The following MRPS9 variants were observed in gnomAD, a reference collection of about 807,000 sequenced individuals.
MRPS9 encodes the protein mitochondrial ribosomal protein S9.
In MRPS9, 45 loss-of-function variants were observed where a neutral mutation model predicts 59.9. That is an observed-to-expected ratio of 0.75 (90% CI 0.59 to 0.96). The LOEUF is 0.96. Among genes scored for constraint, MRPS9 ranks in the 40% least tolerant of loss-of-function variants. The pLI is 0.00. For synonymous variants in MRPS9, 171 were observed against 166.8 expected, an observed-to-expected ratio of 1.03 and a Z score of -0.19; for missense variants, 473 against 481.1, an observed-to-expected ratio of 0.98 and a Z score of 0.16.
intron 1 of MRPS9, among the ~76,000 whole-genome samples, chr2:105,043,699 A>G (rs937545521): frequency 1.5e-4 from 22 of 151,682 alleles, no homozygotes. Context: ...CAGTGGTGCA[A>G]TCTCGGCTCA....
intron 1 of MRPS9, among the ~76,000 whole-genome samples, chr2:105,044,609 A>G (rs1679562124): frequency 6.6e-6 from 1 of 152,204 alleles, no homozygotes; most frequent in Non-Finnish European, 1.5e-5. Flanking sequence ...AACAATGAAA[A>G]TGTTTATAAA....
intron 5 of MRPS9, among the ~76,000 whole-genome samples, chr2:105,083,479 A>G (rs532785961): frequency 1.5e-4 from 23 of 152,358 alleles, no homozygotes; most frequent in African/African-American, 5.5e-4. Context: ...TTTAATTTTA[A>G]GAAAAAAACA....
At chr2:105,061,360 T>A (rs998635965) in intron 2 of MRPS9, among the ~76,000 whole-genome samples, 2 of 152,078 alleles carry the variant, frequency 1.3e-5, no homozygotes, top group Non-Finnish European at 2.9e-5. Context: ...GAAGGCAATC[T>A]GAGAGGAAGA....
intron 2 of MRPS9, among the ~76,000 whole-genome samples, chr2:105,066,496 C>CT (rs1399603067): frequency 6.6e-6 from 1 of 152,182 alleles, no homozygotes; most frequent in African/African-American, 2.4e-5. Context: ...TTCCTCATGA[C>CT]TTTTCTGTCT....
chr2:105,077,416 AG>A (rs1680235123), intron 4 of MRPS9, among the ~76,000 whole-genome samples: 1 of 152,340 alleles, frequency 6.6e-6, no homozygotes, highest in Admixed American at 6.5e-5. Flanking sequence ...AATAATATAC[AG>A]GCCGTAAAAA....
rs10547330 is a variant in MRPS9 at position 105,060,017 on chromosome 2, T to TAAAAAA, written c.315+10684_315+10689dup. Among the ~76,000 whole-genome samples, 368 of 100,576 alleles carry TAAAAAA rather than the reference T, an allele frequency of 3.7e-3. 2 individuals are homozygous for TAAAAAA. The highest frequency in any genetic ancestry group is 0.012 in the African/African-American group (332 of 27,230). The allele number at this position is 100,576 out of a possible 152,430, so 66.0% of individuals were successfully genotyped here. A position where few individuals can be genotyped will look rare whatever the true frequency, so the allele number is the denominator to read the frequency against. On this transcript the variant is annotated intron_variant, in intron 2 of 10. Transcript: ENST00000258455. ...CTGAATCACATAACAGGAAAACTGC[T>TAAAAAA]AAAAAAAAAAAAAAAAAAAAAAGAC...
At chr2:105,089,286 A>C in intron 6 of MRPS9, among the ~76,000 whole-genome samples, 1 of 152,348 alleles carries the variant, frequency 6.6e-6, no homozygotes, top group South Asian at 2.1e-4. Flanking sequence ...TATATGTGAT[A>C]GAATATTTAA....
At chr2:105,071,531 C>A in intron 4 of MRPS9, 42 bp downstream of exon 4, 2 of 1,573,868 alleles carry the variant, frequency 1.3e-6, no homozygotes, top group South Asian at 1.1e-5. Context: ...TTTTCTTTAC[C>A]GTATTCCGGT....
At chr2:105,062,396 G>A (rs533187363) in intron 2 of MRPS9, among the ~76,000 whole-genome samples, 11 of 152,150 alleles carry the variant, frequency 7.2e-5, no homozygotes, top group South Asian at 2.1e-4. Flanking sequence ...TGAGTTACCC[G>A]TCCAAGCCCT....
At chr2:105,094,469 T>C (rs888852410) in intron 9 of MRPS9, among the ~76,000 whole-genome samples, 1 of 152,192 alleles carries the variant, frequency 6.6e-6, no homozygotes, top group African/African-American at 2.4e-5. Context: ...CCTTTCCTAA[T>C]CCTTCTCCTG....
chr2:105,093,609 C>T lies in MRPS9; in HGVS notation c.900C>T (p.Tyr300=), dbSNP rs1408539741. ...SGRIKVNGID[Y]QLYFPITQDR... ...GAATAAAAGTAAATGGAATTGATTA[C>T]CAGCTTTACTTCCCGATCACACAGG... Residue 300 remains tyrosine, a synonymous_variant, in exon 9 of 11, where the codon TAC becomes TAT. Coordinates refer to ENST00000258455, the MANE Select transcript of MRPS9 (RefSeq NM_182640.3). 3.1e-6 allele frequency: 5 copies of T among 1,604,822 alleles called. No homozygotes were observed. Among genetic ancestry groups the T allele is most frequent in the Admixed American group, 1.7e-5 (1 of 59,074 alleles).
At chr2:105,083,253 A>G (rs753570143) in intron 5 of MRPS9, among the ~76,000 whole-genome samples, 38 of 152,262 alleles carry the variant, frequency 2.5e-4, no homozygotes, top group Non-Finnish European at 4.8e-4. Context: ...CTATACAGCA[A>G]GATAACCGAG....
chr2:105,067,864 A>G (rs1325653511), intron 2 of MRPS9, among the ~76,000 whole-genome samples: 3 of 152,160 alleles, frequency 2.0e-5, no homozygotes, highest in Non-Finnish European at 2.9e-5. Flanking sequence ...GTCTTGCTCC[A>G]TCAACCAGGC....
At chr2:105,072,893 C>T (rs1489152860) in intron 4 of MRPS9, among the ~76,000 whole-genome samples, 1 of 152,092 alleles carries the variant, frequency 6.6e-6, no homozygotes, top group Non-Finnish European at 1.5e-5. Flanking sequence ...TGTATTCCCT[C>T]AGTTCTTAAT....
At chr2:105,062,452 C>G (rs560209456) in intron 2 of MRPS9, among the ~76,000 whole-genome samples, 14 of 152,274 alleles carry the variant, frequency 9.2e-5, no homozygotes, top group Admixed American at 5.2e-4. Context: ...CTGCTTCCAG[C>G]CTTTTCACTT....
chr2:105,075,885 C>G (rs1485724821), intron 4 of MRPS9, among the ~76,000 whole-genome samples: 1 of 151,580 alleles, frequency 6.6e-6, no homozygotes, highest in African/African-American at 2.4e-5. Context: ...CAAACAGAAA[C>G]ACATCAAATT....
At chr2:105,061,910 C>G (rs1679913757) in intron 2 of MRPS9, among the ~76,000 whole-genome samples, 1 of 152,062 alleles carries the variant, frequency 6.6e-6, no homozygotes, top group Non-Finnish European at 1.5e-5. Flanking sequence ...CAAAAACAAG[C>G]AGAAAAGGTT....
intron 1 of MRPS9, among the ~76,000 whole-genome samples, chr2:105,044,817 A>G (rs1345299070): frequency 1.3e-5 from 2 of 152,222 alleles, no homozygotes; most frequent in Non-Finnish European, 2.9e-5. Context: ...AAGAAAATAC[A>G]AAGGGATATT....
At chr2:105,094,991 A>T (rs941975762) in intron 9 of MRPS9, among the ~76,000 whole-genome samples, 10 of 152,174 alleles carry the variant, frequency 6.6e-5, no homozygotes, top group Admixed American at 6.5e-4. Flanking sequence ...CATTGTGAAG[A>T]TATCAGAGAT....
Sources: allele counts gnomAD v4.1 joint callset (sites outside exome capture counted in the v4.1 genomes callset), GRCh38; gene constraint gnomAD v4.1.1; transcripts MANE v1.5; gene names NCBI Gene and HGNC (gene_info 2026-07-23, HGNC 2026-07-21).